RANBP2: variants seen among roughly 807,000 people sequenced by gnomAD.
The protein encoded by RANBP2 is RAN binding protein 2.
Under a neutral mutation model 303.6 loss-of-function variants are expected in RANBP2, and 57 were observed. The ratio of observed to expected loss-of-function variants is 0.19; its 90% confidence interval spans 0.15 to 0.23. The LOEUF is 0.23. RANBP2 is among the 10% of genes least tolerant of loss of function. The pLI is 1.00. For synonymous variants in RANBP2, 1,167 were observed against 1,301.5 expected, an observed-to-expected ratio of 0.90 and a Z score of 2.23; for missense variants, 3,138 against 3,780.8, an observed-to-expected ratio of 0.83 and a Z score of 4.46.
At chr2:109,711,417 C>T in the RANBP2 span, among the ~76,000 whole-genome samples, 57 of 152,128 alleles carry the variant, frequency 3.7e-4, no homozygotes, top group Non-Finnish European at 5.9e-4. Context: ...CTGCCCTTGC[C>T]CCCATAGCTT....
chr2:108,751,590 C>G lies in RANBP2; in HGVS notation c.1518C>G (p.His506Gln). The G allele has an allele frequency of 6.2e-7, 1 of 1,611,022 alleles. No homozygotes were observed. Among genetic ancestry groups the G allele is most frequent in the Non-Finnish European group, 8.5e-7 (1 of 1,179,296 alleles). Residue 506 changes from histidine to glutamine, a missense_variant, in exon 11 of 29, where the codon CAC becomes CAG. Physicochemically the swap from His to Gln is conservative, Grantham distance 24 (BLOSUM62 0). Coordinates refer to ENST00000283195, the MANE Select transcript of RANBP2 (RefSeq NM_006267.5). The stretch of plus-strand genomic sequence containing the variant: ...AATTAAAGGAGAAATGTAATTCTCA[C>G]CACAGCTCCTATCAGCCGTTATGCC... ...HLQLKEKCNS[H>Q]HSSYQPLCLP...
At chr2:109,386,737 G>A in the RANBP2 span, among the ~76,000 whole-genome samples, 8 of 152,160 alleles carry the variant, frequency 5.3e-5, no homozygotes, top group African/African-American at 1.9e-4. Context: ...TGTCACCTAG[G>A]GCTGGAAACA....
chr2:109,330,303 A>G, the RANBP2 span, among the ~76,000 whole-genome samples: 2 of 152,156 alleles, frequency 1.3e-5, no homozygotes, highest in African/African-American at 4.8e-5. Context: ...TTGCGAAACT[A>G]AAGAAAAGGG....
At chr2:109,099,255 A>G in the RANBP2 span, among the ~76,000 whole-genome samples, 1 of 152,236 alleles carries the variant, frequency 6.6e-6, no homozygotes, top group Non-Finnish European at 1.5e-5. Flanking sequence ...CACTCGATGC[A>G]GTAAACATTA....
At chr2:108,986,797 C>T in the RANBP2 span, among the ~76,000 whole-genome samples, 1 of 152,150 alleles carries the variant, frequency 6.6e-6, no homozygotes, top group Non-Finnish European at 1.5e-5. Context: ...AAAATTCCTT[C>T]CTGCAATATA....
the RANBP2 span, among the ~76,000 whole-genome samples, chr2:109,187,813 C>T: frequency 6.6e-6 from 1 of 152,242 alleles, no homozygotes; most frequent in Non-Finnish European, 1.5e-5. Context: ...TGACACCATC[C>T]TCTGCCATTG....
the RANBP2 span, among the ~76,000 whole-genome samples, chr2:109,443,071 TATC>T: frequency 7.9e-5 from 12 of 152,258 alleles, no homozygotes; most frequent in Admixed American, 7.9e-4. Flanking sequence ...TCTATGAAGT[TATC>T]ATGAACACTG....
the RANBP2 span, among the ~76,000 whole-genome samples, chr2:109,266,107 T>C: frequency 6.6e-6 from 1 of 150,650 alleles, no homozygotes; most frequent in Non-Finnish European, 1.5e-5. Flanking sequence ...CATGTGTGTG[T>C]TGTGTGTATG....
chr2:109,248,610 T>C, the RANBP2 span, among the ~76,000 whole-genome samples: 1 of 152,242 alleles, frequency 6.6e-6, no homozygotes. Context: ...ACCAAACATG[T>C]ATATTAAATA....
the RANBP2 span, among the ~76,000 whole-genome samples, chr2:109,289,623 C>T: frequency 2.6e-5 from 4 of 152,116 alleles, no homozygotes; most frequent in South Asian, 2.1e-4. Flanking sequence ...TGAGACATCA[C>T]GTGGAAAGCT....
the RANBP2 span, among the ~76,000 whole-genome samples, chr2:109,217,141 G>A: frequency 1.3e-5 from 2 of 152,136 alleles, no homozygotes; most frequent in East Asian, 1.9e-4. Context: ...CTATTCCATC[G>A]TACGGTCATC....
the RANBP2 span, among the ~76,000 whole-genome samples, chr2:109,537,883 G>A: frequency 1.3e-5 from 2 of 152,148 alleles, no homozygotes; most frequent in Admixed American, 1.3e-4. Flanking sequence ...AGGAGGCAGA[G>A]GTTGCAGTGA....
chr2:109,582,075 G>GACACAC, the RANBP2 span, among the ~76,000 whole-genome samples: 2,036 of 143,856 alleles, frequency 0.014, 46 homozygotes, highest in African/African-American at 0.046. Context: ...ATGTACAACA[G>GACACAC]ACACACACAC....
At chr2:109,546,740 T>C in the RANBP2 span, among the ~76,000 whole-genome samples, 5 of 152,214 alleles carry the variant, frequency 3.3e-5, no homozygotes, top group Non-Finnish European at 5.9e-5. Context: ...TAAAACTGTA[T>C]TCTATTTTTC....
At chr2:109,088,093 T>G in the RANBP2 span, among the ~76,000 whole-genome samples, 1 of 151,842 alleles carries the variant, frequency 6.6e-6, no homozygotes, top group Non-Finnish European at 1.5e-5. Context: ...TGAAACCTCG[T>G]CTCTACTAAA....
the RANBP2 span, among the ~76,000 whole-genome samples, chr2:109,627,178 C>T: frequency 6.6e-6 from 1 of 152,096 alleles, no homozygotes; most frequent in Non-Finnish European, 1.5e-5. Flanking sequence ...ATTACAAAAA[C>T]AAAAACAAAA....
intron 6 of RANBP2, among the ~76,000 whole-genome samples, chr2:108,740,030 A>T (rs751704527): frequency 2.3e-4 from 35 of 152,192 alleles, no homozygotes; most frequent in Non-Finnish European, 4.0e-4. Flanking sequence ...GTAATGATCT[A>T]TATAGTAAAA....
chr2:108,884,784 T>G, the RANBP2 span: 1 of 150,230 alleles, frequency 6.7e-6, no homozygotes, highest in Non-Finnish European at 1.5e-5. Context: ...TCTTTTTCTC[T>G]TTCGAAAGCC....
the RANBP2 span, among the ~76,000 whole-genome samples, chr2:109,136,878 T>TGAGA: frequency 8.2e-4 from 125 of 152,160 alleles, no homozygotes; most frequent in Non-Finnish European, 1.6e-3. Flanking sequence ...CCGGGCTCTC[T>TGAGA]GAGAGCAAGA....
Sources: gnomAD v4.1 joint callset for allele counts (sites outside exome capture counted in the v4.1 genomes callset) on GRCh38, gnomAD v4.1.1 for gene constraint, MANE v1.5 for transcripts, NCBI Gene and HGNC (gene_info 2026-07-23, HGNC 2026-07-21) for gene names.